Variants in RSRC1 observed in about 807,000 individuals in gnomAD.
The protein encoded by RSRC1 is arginine and serine rich coiled-coil 1.
RSRC1 carries 39 observed loss-of-function variants against 49.1 expected under a neutral mutation model. The ratio of observed to expected loss-of-function variants is 0.79; its 90% CI spans 0.61 to 1.04. The LOEUF (loss-of-function observed/expected upper bound fraction) is 1.04. RSRC1 is among the 50% of genes least tolerant of loss of function. The pLI is 0.00. For missense variants in RSRC1, 388 were observed against 402.4 expected (o/e 0.96, Z 0.31); for synonymous variants, 143 against 130.8 (o/e 1.09, Z -0.63).
intron 3 of RSRC1, among the ~76,000 whole-genome samples, chr3:158,127,972 T>G (rs1482277648): frequency 6.6e-6 from 1 of 152,148 alleles, no homozygotes. Context: ...AGCATGTACT[T>G]CACTCTTCTC....
At chr3:158,469,234 A>T (rs570899765) in intron 7 of RSRC1, 1 of 318,166 alleles carries the variant, frequency 3.1e-6, no homozygotes, top group South Asian at 2.7e-5. Context: ...TGATCTAAAA[A>T]CTACATTATG....
chr3:158,419,925 A>G (rs2108335570), intron 6 of RSRC1, among the ~76,000 whole-genome samples: 1 of 151,946 alleles, frequency 6.6e-6, no homozygotes, highest in African/African-American at 2.4e-5. Context: ...CCTTTGAAAT[A>G]GGTCAGAGTT....
At chr3:158,129,288 C>CTTTTTTTTTTTTTT (rs71144439) in intron 3 of RSRC1, among the ~76,000 whole-genome samples, 6 of 71,074 alleles carry the variant, frequency 8.4e-5, no homozygotes, top group South Asian at 5.9e-4. Flanking sequence ...TTCTTTCTTT[C>CTTTTTTTTTTTTTT]TTTTTTTTTT....
intron 3 of RSRC1, among the ~76,000 whole-genome samples, chr3:158,188,843 A>G (rs1169842203): frequency 1.3e-5 from 2 of 150,922 alleles, no homozygotes; most frequent in East Asian, 1.9e-4. Context: ...TTTTCTCTTT[A>G]TTTCTTTCCT....
intron 7 of RSRC1, among the ~76,000 whole-genome samples, chr3:158,527,720 C>T (rs973310463): frequency 7.2e-5 from 11 of 151,808 alleles, no homozygotes; most frequent in African/African-American, 2.4e-4. Context: ...GACAGTAAAC[C>T]TGGGTAAAGA....
chr3:158,491,350 T>C (rs919218825), intron 7 of RSRC1, among the ~76,000 whole-genome samples: 5 of 152,236 alleles, frequency 3.3e-5, no homozygotes, highest in African/African-American at 1.2e-4. Flanking sequence ...ACCTTATGTA[T>C]GGAATGATGT....
At chr3:158,488,049 C>A (rs73172146) in intron 7 of RSRC1, among the ~76,000 whole-genome samples, 26,238 of 149,502 alleles carry the variant, frequency 0.18, 2,405 homozygotes, top group African/African-American at 0.24. Context: ...AGAAAGACTG[C>A]CACACAAATA....
chr3:158,495,494 C>G (rs532965579), intron 7 of RSRC1, among the ~76,000 whole-genome samples: 11 of 152,202 alleles, frequency 7.2e-5, no homozygotes, highest in African/African-American at 2.2e-4. Context: ...CCATGTTGTC[C>G]AGGCTGGTCT....
intron 3 of RSRC1, among the ~76,000 whole-genome samples, chr3:158,147,871 T>G (rs1405000818): frequency 6.6e-6 from 1 of 152,146 alleles, no homozygotes; most frequent in Non-Finnish European, 1.5e-5. Flanking sequence ...AAATTATCTG[T>G]GGTAAAGGAC....
chr3:158,424,962 T>C (rs1248541540), intron 6 of RSRC1, among the ~76,000 whole-genome samples: 1 of 151,490 alleles, frequency 6.6e-6, no homozygotes, highest in Non-Finnish European at 1.5e-5. Flanking sequence ...TATTTGATTC[T>C]TCTCTCTTTT....
At chr3:158,516,675 G>T (rs1005022016) in intron 7 of RSRC1, among the ~76,000 whole-genome samples, 1 of 152,238 alleles carries the variant, frequency 6.6e-6, no homozygotes, top group Non-Finnish European at 1.5e-5. Context: ...CTGGGCAATG[G>T]TGGGCGCCCC....
At chr3:158,398,137 C>G (rs1012416209) in intron 6 of RSRC1, among the ~76,000 whole-genome samples, 4 of 151,992 alleles carry the variant, frequency 2.6e-5, no homozygotes, top group Non-Finnish European at 4.4e-5. Context: ...AGGGGTATGT[C>G]AGGCTCAGGG....
rs1017338753 is a variant in RSRC1 at position 158,122,379 on chromosome 3, A to T, written c.194+81A>T. 4.5e-6 allele frequency: 5 copies of T among 1,114,308 alleles called. No homozygotes were observed. The East Asian group carries it at 1.2e-4, about 26-fold the overall frequency. The allele number at this position is 1,114,308 out of a possible 1,614,324, so 69.0% of individuals were successfully genotyped here. A position where few individuals can be genotyped will look rare whatever the true frequency, so the allele number is the denominator to read the frequency against. The stretch of plus-strand genomic sequence containing the variant: ...ATGTTTTTGTATTTTTAATTTTGCT[A>T]GATAAAACATTTTTCTTTTACTAGC... On this transcript the variant is annotated intron_variant, in intron 2 of 9. Transcript: ENST00000611884.
intron 5 of RSRC1, among the ~76,000 whole-genome samples, chr3:158,306,125 C>T (rs964414590): frequency 6.6e-6 from 1 of 151,748 alleles, no homozygotes; most frequent in African/African-American, 2.4e-5. Flanking sequence ...TTATAAAGTA[C>T]CTTAATACGT....
intron 6 of RSRC1, among the ~76,000 whole-genome samples, chr3:158,387,680 A>G (rs1733040743): frequency 6.6e-6 from 1 of 152,200 alleles, no homozygotes; most frequent in East Asian, 1.9e-4. Context: ...TATGGTTTAC[A>G]TTCCAGATCC....
chr3:158,192,069 C>T (rs1720273244), intron 3 of RSRC1, among the ~76,000 whole-genome samples: 1 of 151,782 alleles, frequency 6.6e-6, no homozygotes, highest in Admixed American at 6.6e-5. Context: ...ATTTTTTTCA[C>T]ACGTATTTTC....
rs185098130 is a variant in RSRC1, at chr3:158,475,811, C to A, written c.652+14808C>A. ...GAAATTAGGCCAATTAATAACCTTA[C>A]AGTGGCCTCTAAGTGTTCAAGTGAA... is the stretch of plus-strand genomic sequence containing the variant. On this transcript the variant is annotated intron_variant, in intron 7 of 9. Transcript: ENST00000611884. Among the ~76,000 whole-genome samples the A allele has an allele frequency of 1.8e-4, 28 of 152,158 alleles. No individual in the cohort carries two copies. In the East Asian group the frequency reaches 3.1e-3, roughly 17 times the overall value.
At chr3:158,506,763 G>T (rs1387696808) in intron 7 of RSRC1, among the ~76,000 whole-genome samples, 2 of 151,406 alleles carry the variant, frequency 1.3e-5, no homozygotes, top group Non-Finnish European at 2.9e-5. Flanking sequence ...AACCAGTATG[G>T]AGGTTCCTTA....
intron 5 of RSRC1, among the ~76,000 whole-genome samples, chr3:158,318,369 T>C (rs1728583804): frequency 6.6e-6 from 1 of 152,218 alleles, no homozygotes; most frequent in Non-Finnish European, 1.5e-5. Context: ...AAACCCTGTC[T>C]CTACCAAAAT....
Sources: gnomAD v4.1 joint callset for allele counts (sites outside exome capture counted in the v4.1 genomes callset) on GRCh38, gnomAD v4.1.1 for gene constraint, MANE v1.5 for transcripts, NCBI Gene and HGNC (gene_info 2026-07-23, HGNC 2026-07-21) for gene names.